Variants in PPARGC1A observed in about 807,000 individuals in gnomAD.
The protein encoded by PPARGC1A is peroxisome proliferator-activated receptor gamma coactivator 1-alpha.
PPARGC1A carries 25 observed loss-of-function variants against 88.7 expected under a neutral mutation model. The observed-to-expected ratio is 0.28, with a 90% confidence interval of 0.21 to 0.39. The LOEUF (loss-of-function observed/expected upper bound fraction) is 0.39, where lower values mean the gene tolerates loss of function less well. PPARGC1A is among the 10% of genes least tolerant of loss of function. The probability of loss-of-function intolerance (pLI) is 1.00; values close to 1 mark genes in which losing one functional copy is unlikely to be tolerated. For synonymous variants in PPARGC1A, 363 were observed against 355.6 expected (o/e 1.02, Z -0.24); for missense variants, 880 against 968.7 (o/e 0.91, Z 1.22).
the PPARGC1A span, among the ~76,000 whole-genome samples, chr4:24,303,133 C>T: frequency 6.6e-6 from 1 of 152,186 alleles, no homozygotes; most frequent in Admixed American, 6.5e-5. Flanking sequence ...GAAATGTCAG[C>T]TAAACACGAA....
the PPARGC1A span, among the ~76,000 whole-genome samples, chr4:24,225,570 A>T: frequency 7.0e-6 from 1 of 143,048 alleles, no homozygotes. Context: ...AAACAAAATA[A>T]AAAAAAAAAA....
At chr4:23,886,873 AAC>A (rs113113786) in intron 1 of PPARGC1A, among the ~76,000 whole-genome samples, 4,788 of 148,044 alleles carry the variant, frequency 0.032, 106 homozygotes, top group Non-Finnish European at 0.049. Context: ...AAAAAAAAAA[AAC>A]ATGAACAACA....
chr4:24,359,254 C>T, the PPARGC1A span, among the ~76,000 whole-genome samples: 1 of 152,160 alleles, frequency 6.6e-6, no homozygotes, highest in East Asian at 1.9e-4. Context: ...CTCTCCCTCT[C>T]CTGACCTCCA....
chr4:23,873,526 G>T (rs1228998167), intron 2 of PPARGC1A, among the ~76,000 whole-genome samples: 1 of 152,186 alleles, frequency 6.6e-6, no homozygotes, highest in Non-Finnish European at 1.5e-5. Context: ...ACTGGTCTCT[G>T]AGTTTCTCCG....
At chr4:24,364,666 C>T in the PPARGC1A span, among the ~76,000 whole-genome samples, 2 of 152,110 alleles carry the variant, frequency 1.3e-5, no homozygotes, top group Non-Finnish European at 2.9e-5. Context: ...GCAAATAATT[C>T]CACTTCTATT....
chr4:24,121,157 G>A, the PPARGC1A span, among the ~76,000 whole-genome samples: 2 of 152,220 alleles, frequency 1.3e-5, no homozygotes, highest in East Asian at 3.9e-4. Context: ...GGCTGGATCA[G>A]AAGCCCAAGC....
chr4:24,472,546 C>G, the PPARGC1A span, among the ~76,000 whole-genome samples: 1 of 152,014 alleles, frequency 6.6e-6, no homozygotes, highest in Non-Finnish European at 1.5e-5. The surrounding 1 kb of genome is among the most constrained non-coding windows in gnomAD (Gnocchi z 4.5). Flanking sequence ...CAAATTAAAC[C>G]AATAAGCCAA....
the PPARGC1A span, among the ~76,000 whole-genome samples, chr4:24,226,304 C>A: frequency 6.6e-6 from 1 of 152,166 alleles, no homozygotes; most frequent in Non-Finnish European, 1.5e-5. Flanking sequence ...TCATACACTG[C>A]CGACCCAGCC....
chr4:24,042,520 T>A, the PPARGC1A span, among the ~76,000 whole-genome samples: 2 of 152,210 alleles, frequency 1.3e-5, no homozygotes, highest in African/African-American at 4.8e-5. Context: ...TGAAAACACA[T>A]GCTACTTATA....
the PPARGC1A span, among the ~76,000 whole-genome samples, chr4:24,176,529 T>C: frequency 5.3e-5 from 8 of 151,994 alleles, no homozygotes; most frequent in Admixed American, 2.0e-4. Flanking sequence ...TAGGAAGGGA[T>C]ATTAAGGAAC....
At chr4:24,036,178 G>A in the PPARGC1A span, among the ~76,000 whole-genome samples, 36 of 152,242 alleles carry the variant, frequency 2.4e-4, no homozygotes, top group South Asian at 7.5e-3. Flanking sequence ...TTTAGATAGA[G>A]AATAGAAAAG....
chr4:23,884,591 C>T, intron 2 of PPARGC1A, 161 bp downstream of exon 2: 1 of 544,796 alleles, frequency 1.8e-6, no homozygotes, highest in Non-Finnish European at 2.9e-6. Context: ...ATTTGTTTTC[C>T]AAATGCTGTT....
chr4:24,194,632 A>ACGCGCGCG, the PPARGC1A span, among the ~76,000 whole-genome samples: 1 of 15,484 alleles, frequency 6.5e-5, no homozygotes, highest in African/African-American at 1.5e-4. Flanking sequence ...ACGCGCGCGC[A>ACGCGCGCG]CACACACACA....
the PPARGC1A span, among the ~76,000 whole-genome samples, chr4:24,073,396 T>C: frequency 6.6e-6 from 1 of 152,290 alleles, no homozygotes; most frequent in East Asian, 1.9e-4. Context: ...ATTTTTAAAC[T>C]ACCTTCTTGA....
the PPARGC1A span, among the ~76,000 whole-genome samples, chr4:24,305,512 C>T: frequency 6.6e-6 from 1 of 152,248 alleles, no homozygotes; most frequent in East Asian, 1.9e-4. Flanking sequence ...TCTGCTACCG[C>T]TTAAAAGATG....
At chr4:23,994,307 C>T in the PPARGC1A span, among the ~76,000 whole-genome samples, 1 of 152,044 alleles carries the variant, frequency 6.6e-6, no homozygotes, top group Admixed American at 6.6e-5. Flanking sequence ...TTTGATCCCT[C>T]CTGGAAGATT....
chr4:24,278,715 G>A, the PPARGC1A span, among the ~76,000 whole-genome samples: 27 of 152,228 alleles, frequency 1.8e-4, no homozygotes, highest in Non-Finnish European at 2.4e-4. Context: ...TTTCCACACC[G>A]TGTTGCTATT....
At chr4:24,075,422 A>G in the PPARGC1A span, among the ~76,000 whole-genome samples, 1 of 152,174 alleles carries the variant, frequency 6.6e-6, no homozygotes, top group Admixed American at 6.5e-5. Flanking sequence ...CATATCCAGA[A>G]ATGTTCCATG....
chr4:24,144,581 C>T, the PPARGC1A span, among the ~76,000 whole-genome samples: 1 of 152,084 alleles, frequency 6.6e-6, no homozygotes, highest in South Asian at 2.1e-4. Context: ...ATCCCTGCTT[C>T]TTGCTCCAGA....
Sources: allele counts gnomAD v4.1 joint callset (sites outside exome capture counted in the v4.1 genomes callset), GRCh38; gene constraint gnomAD v4.1.1; non-coding constraint Gnocchi (gnomAD v3.1); transcripts MANE v1.5; gene names NCBI Gene and HGNC (gene_info 2026-07-23, HGNC 2026-07-21).